NRXN3: variants seen among roughly 807,000 people sequenced by gnomAD.
NRXN3 encodes the protein neurexin III.
In NRXN3, 32 loss-of-function variants were observed where a neutral mutation model predicts 137.6. That is an observed-to-expected ratio of 0.23 (90% CI 0.18 to 0.31). NRXN3 has a LOEUF of 0.31. Among genes scored for constraint, NRXN3 ranks in the 10% least tolerant of loss-of-function variants. The pLI is 1.00. For synonymous variants in NRXN3, 798 were observed against 784.5 expected (o/e 1.02, Z -0.29); for missense variants, 1,574 against 2,062.5 (o/e 0.76, Z 4.59).
At chr14:78,734,023 G>A (rs965102594) in intron 8 of NRXN3, among the ~76,000 whole-genome samples, 1 of 152,042 alleles carries the variant, frequency 6.6e-6, no homozygotes, top group African/African-American at 2.4e-5. Flanking sequence ...GCAGAGGAGG[G>A]GGAAAGAGAA....
intron 19 of NRXN3, among the ~76,000 whole-genome samples, chr14:79,750,345 AT>A (rs1239052187): frequency 1.3e-5 from 2 of 152,100 alleles, no homozygotes; most frequent in Non-Finnish European, 2.9e-5. Flanking sequence ...ACTGGTTAGC[AT>A]TTTTTAAGTA....
intron 15 of NRXN3, among the ~76,000 whole-genome samples, chr14:79,198,071 C>G (rs1450145240): frequency 6.6e-6 from 1 of 152,140 alleles, no homozygotes; most frequent in Non-Finnish European, 1.5e-5. Context: ...CAGTCCCAGT[C>G]CCATCTTCAG....
intron 15 of NRXN3, among the ~76,000 whole-genome samples, chr14:79,156,549 T>TG (rs2060270750): frequency 9.0e-6 from 1 of 110,896 alleles, no homozygotes; most frequent in Non-Finnish European, 2.2e-5. Context: ...ATGACCATTC[T>TG]GGATTTTTTT....
chr14:78,667,572 G>A (rs901093502), intron 6 of NRXN3, among the ~76,000 whole-genome samples: 2 of 152,142 alleles, frequency 1.3e-5, no homozygotes, highest in African/African-American at 4.8e-5. Flanking sequence ...TGTCTTGACT[G>A]ACTGTAAGAA....
intron 15 of NRXN3, among the ~76,000 whole-genome samples, chr14:79,334,968 G>T (rs2092130409): frequency 6.6e-6 from 1 of 152,094 alleles, no homozygotes; most frequent in Non-Finnish European, 1.5e-5. Context: ...AGGTTGTGAG[G>T]CCCTAGAGCC....
At chr14:78,840,740 G>A (rs953904472) in intron 10 of NRXN3, among the ~76,000 whole-genome samples, 2 of 152,172 alleles carry the variant, frequency 1.3e-5, no homozygotes, top group Admixed American at 6.5e-5. Flanking sequence ...TTTCACATTC[G>A]CTCCATTAGC....
chr14:79,818,300 G>A (rs1267937474), intron 20 of NRXN3, among the ~76,000 whole-genome samples: 2 of 151,974 alleles, frequency 1.3e-5, no homozygotes, highest in Non-Finnish European at 2.9e-5. Flanking sequence ...TGATCCGCCC[G>A]CCTCGGCCTC....
At chr14:78,941,191 A>G (rs1264315970) in intron 10 of NRXN3, among the ~76,000 whole-genome samples, 1 of 152,188 alleles carries the variant, frequency 6.6e-6, no homozygotes, top group Admixed American at 6.5e-5. Flanking sequence ...CATCACCTTA[A>G]AATCAATGAG....
intron 16 of NRXN3, among the ~76,000 whole-genome samples, chr14:79,660,286 C>A (rs1274713614): frequency 1.3e-5 from 2 of 152,116 alleles, no homozygotes; most frequent in African/African-American, 4.8e-5. Flanking sequence ...GATTATAATG[C>A]CACCGTGGTC....
intron 8 of NRXN3, among the ~76,000 whole-genome samples, chr14:78,733,312 A>G (rs1217288027): frequency 1.3e-5 from 2 of 152,124 alleles, no homozygotes; most frequent in Non-Finnish European, 2.9e-5. Context: ...CAGTCTTTGC[A>G]TCCAAAACTT....
chr14:79,669,520 T>C (rs976820451), intron 17 of NRXN3, among the ~76,000 whole-genome samples: 2 of 152,148 alleles, frequency 1.3e-5, no homozygotes, highest in Admixed American at 1.3e-4. Context: ...CCAAGGGAAT[T>C]ATTTCCACAT....
intron 16 of NRXN3, among the ~76,000 whole-genome samples, chr14:79,648,870 C>T (rs1392780355): frequency 2.6e-5 from 4 of 152,134 alleles, no homozygotes; most frequent in Non-Finnish European, 4.4e-5. Context: ...ACCAGAAAAG[C>T]ATCATGCTGT....
intron 15 of NRXN3, among the ~76,000 whole-genome samples, chr14:79,030,745 G>C (rs2099607048): frequency 7.1e-6 from 1 of 141,470 alleles, no homozygotes; most frequent in Non-Finnish European, 1.5e-5. Context: ...TTTCATTTTG[G>C]TGTGGAAACT....
rs142017460 is a variant in NRXN3, at chr14:78,202,499, A to G, written c.-704+31825A>G. Among the ~76,000 whole-genome samples, 397 of 152,306 alleles carry G rather than the reference A, an allele frequency of 2.6e-3. 4 individuals carry two copies. Among genetic ancestry groups the G allele is most frequent in the African/African-American group, 8.9e-3 (372 of 41,568 alleles). On this transcript the variant is annotated intron_variant, in intron 1 of 20. Transcript: ENST00000335750. Reference sequence around the variant, plus strand: ...CTGAAGGTCACCTGTCAGGGCTGTAAAGTCAGGGGATGTGGGGATGGGAGG... The same window carrying G: ...CTGAAGGTCACCTGTCAGGGCTGTAGAGTCAGGGGATGTGGGGATGGGAGG...
At chr14:79,794,881 A>G (rs1174558672) in intron 19 of NRXN3, among the ~76,000 whole-genome samples, 1 of 152,244 alleles carries the variant, frequency 6.6e-6, no homozygotes, top group Non-Finnish European at 1.5e-5. Context: ...AAGTGGACAC[A>G]CACATTGCAT....
At chr14:79,216,159 G>T (rs1279576652) in intron 15 of NRXN3, among the ~76,000 whole-genome samples, 2 of 152,148 alleles carry the variant, frequency 1.3e-5, no homozygotes, top group African/African-American at 4.8e-5. Context: ...TTATTCACGT[G>T]TCTGTGTCTG....
Position 79,675,948 on chromosome 14 carries a change from C to T in NRXN3, c.3616+11999C>T, listed in dbSNP as rs372576883. Among the ~76,000 whole-genome samples the T allele has an allele frequency of 2.6e-5, 4 of 152,160 alleles. No homozygotes were observed. The East Asian group carries it at 7.8e-4, about 30-fold the overall frequency. Reference sequence around the variant, plus strand: ...TTTTAAATTCAAGAATTTTGATTAGCCACCCTAGCCTATTTCTCATAGCCC... The same window carrying T: ...TTTTAAATTCAAGAATTTTGATTAGTCACCCTAGCCTATTTCTCATAGCCC... On this transcript the variant is annotated intron_variant, in intron 17 of 20. Transcript: ENST00000335750.
At chr14:78,182,169 T>G (rs1388852960) in intron 1 of NRXN3, among the ~76,000 whole-genome samples, 1 of 152,138 alleles carries the variant, frequency 6.6e-6, no homozygotes, top group Non-Finnish European at 1.5e-5. Context: ...CTGCAGGCCC[T>G]GCTGCAAGGG....
chr14:78,987,485 A>G (rs921092971), intron 14 of NRXN3, among the ~76,000 whole-genome samples: 2 of 151,822 alleles, frequency 1.3e-5, no homozygotes, highest in African/African-American at 4.8e-5. Flanking sequence ...CTCGCCCCCT[A>G]AAAAACATCA....
Sources: gnomAD v4.1 joint callset for allele counts (sites outside exome capture counted in the v4.1 genomes callset) on GRCh38, gnomAD v4.1.1 for gene constraint, MANE v1.5 for transcripts, NCBI Gene and HGNC (gene_info 2026-07-23, HGNC 2026-07-21) for gene names.